SAMD5: variants seen among roughly 807,000 people sequenced by gnomAD.
SAMD5 encodes sterile alpha motif domain-containing protein 5.
SAMD5 carries 13 observed loss-of-function variants against 11.3 expected under a neutral mutation model. The ratio of observed to expected loss-of-function variants is 1.15; its 90% CI spans 0.75 to 1.83. The LOEUF (loss-of-function observed/expected upper bound fraction) is 1.83. Among genes scored for constraint, SAMD5 ranks in the 40% most tolerant of loss-of-function variants. SAMD5 has a pLI of 0.00. For missense variants in SAMD5, 255 were observed against 239.1 expected, an observed-to-expected ratio of 1.07 and a Z score of -0.44; for synonymous variants, 129 against 111.3, an observed-to-expected ratio of 1.16 and a Z score of -1.00.
the SAMD5 span, among the ~76,000 whole-genome samples, chr6:147,909,963 C>T: frequency 2.0e-4 from 30 of 152,062 alleles, no homozygotes; most frequent in Non-Finnish European, 3.5e-4. Flanking sequence ...TTTCATTATC[C>T]CCATCTGAAC....
the SAMD5 span, among the ~76,000 whole-genome samples, chr6:147,767,231 G>A: frequency 6.6e-6 from 1 of 152,196 alleles, no homozygotes; most frequent in East Asian, 1.9e-4. Flanking sequence ...AGTTTACTGA[G>A]AAGTATCTGT....
chr6:147,739,770 T>G (rs1057489184), downstream of SAMD5, among the ~76,000 whole-genome samples: 1 of 152,154 alleles, frequency 6.6e-6, no homozygotes, highest in African/African-American at 2.4e-5. Context: ...ATTAGATACA[T>G]TATTTTAAAT....
At chr6:147,662,934 A>G (rs1435769325) in intron 1 of SAMD5, among the ~76,000 whole-genome samples, 1 of 152,226 alleles carries the variant, frequency 6.6e-6, no homozygotes, top group African/African-American at 2.4e-5. Context: ...TATTTTGACA[A>G]GTGTGATTTG....
chr6:147,708,259 A>G (rs1450669673), intron 1 of SAMD5, among the ~76,000 whole-genome samples: 3 of 152,212 alleles, frequency 2.0e-5, no homozygotes, highest in African/African-American at 7.2e-5. Flanking sequence ...GAAGGAAGAC[A>G]TCATAAAGAT....
the SAMD5 span, among the ~76,000 whole-genome samples, chr6:147,795,890 T>C: frequency 2.0e-5 from 3 of 152,192 alleles, no homozygotes; most frequent in South Asian, 4.1e-4. Context: ...GTTCATATCC[T>C]TCGCCCACTC....
At chr6:147,572,137 T>A (rs371264472), downstream of SAMD5, among the ~76,000 whole-genome samples, 125 of 152,280 alleles carry the variant, frequency 8.2e-4, 1 homozygote, top group African/African-American at 3.0e-3. Flanking sequence ...AAGGACTAAG[T>A]GAACTTTCTC....
chr6:147,535,463 A>G (rs546279484), intron 1 of SAMD5, among the ~76,000 whole-genome samples: 1 of 152,234 alleles, frequency 6.6e-6, no homozygotes, highest in African/African-American at 2.4e-5. Context: ...AACTGCAGAA[A>G]AAGCCTTAAG....
the SAMD5 span, among the ~76,000 whole-genome samples, chr6:147,806,652 C>G: frequency 6.6e-6 from 1 of 152,154 alleles, no homozygotes; most frequent in Non-Finnish European, 1.5e-5. Context: ...CCCCCCATTT[C>G]TTGCTCTTAA....
chr6:147,524,422 G>T (rs71566481), intron 1 of SAMD5, among the ~76,000 whole-genome samples: 8,164 of 142,642 alleles, frequency 0.057, 282 homozygotes, highest in Admixed American at 0.091. Context: ...TGTTTTTGTT[G>T]TTTTTTTTTT....
the SAMD5 span, among the ~76,000 whole-genome samples, chr6:147,928,328 C>T: frequency 6.6e-6 from 1 of 152,136 alleles, no homozygotes; most frequent in Non-Finnish European, 1.5e-5. Flanking sequence ...CTAGTTATTA[C>T]TGATTCAATT....
intron 1 of SAMD5, among the ~76,000 whole-genome samples, chr6:147,540,508 G>C (rs1311447694): frequency 6.6e-6 from 1 of 152,186 alleles, no homozygotes; most frequent in Non-Finnish European, 1.5e-5. Context: ...ACAAGACAGA[G>C]GAATTTCATA....
At chr6:147,932,942 A>G in the SAMD5 span, among the ~76,000 whole-genome samples, 2 of 152,188 alleles carry the variant, frequency 1.3e-5, no homozygotes, top group African/African-American at 4.8e-5. Context: ...ACTACACATT[A>G]AAGGAGGCAT....
intron 1 of SAMD5, among the ~76,000 whole-genome samples, chr6:147,727,034 C>A (rs1791639006): frequency 1.3e-5 from 2 of 152,178 alleles, no homozygotes; most frequent in Admixed American, 6.5e-5. Flanking sequence ...TGGATCATGT[C>A]ATGCCCTTGC....
At chr6:147,820,806 C>T in the SAMD5 span, among the ~76,000 whole-genome samples, 1 of 152,122 alleles carries the variant, frequency 6.6e-6, no homozygotes, top group Non-Finnish European at 1.5e-5. Context: ...TCCTGAGTGT[C>T]GGAGCTGAAA....
intron 1 of SAMD5, among the ~76,000 whole-genome samples, chr6:147,579,903 G>A (rs775103637): frequency 9.2e-5 from 14 of 152,140 alleles, no homozygotes; most frequent in Non-Finnish European, 1.5e-4. Context: ...TGTGCCAGGC[G>A]CTGTTGTAAA....
chr6:147,645,285 G>C (rs953243453), intron 1 of SAMD5, among the ~76,000 whole-genome samples: 1 of 152,110 alleles, frequency 6.6e-6, no homozygotes, highest in African/African-American at 2.4e-5. Context: ...ATTGAACAAA[G>C]GCCAGCTCCC....
At chr6:147,787,284 A>T in the SAMD5 span, among the ~76,000 whole-genome samples, 1 of 152,190 alleles carries the variant, frequency 6.6e-6, no homozygotes, top group Non-Finnish European at 1.5e-5. Flanking sequence ...ATGATGGAGC[A>T]GGACAGTGCC....
chr6:147,571,410 A>G (rs1225844291), downstream of SAMD5, among the ~76,000 whole-genome samples: 1 of 150,304 alleles, frequency 6.7e-6, no homozygotes, highest in Non-Finnish European at 1.5e-5. Context: ...TCGCTGTCCC[A>G]CTGAGGATTT....
the SAMD5 span, among the ~76,000 whole-genome samples, chr6:147,756,221 A>C: frequency 2.6e-5 from 4 of 152,160 alleles, no homozygotes; most frequent in Non-Finnish European, 5.9e-5. Context: ...GTGTCATATA[A>C]GATTCCTTGA....
Sources: allele counts gnomAD v4.1 joint callset (sites outside exome capture counted in the v4.1 genomes callset), GRCh38; gene constraint gnomAD v4.1.1; transcripts MANE v1.5; gene names NCBI Gene and HGNC (gene_info 2026-07-23, HGNC 2026-07-21).